The following COL26A1 variants were observed in gnomAD, a reference collection of about 807,000 sequenced individuals.
COL26A1 encodes the protein collagen type XXVI alpha 1 chain.
A neutral mutation model predicts 59.3 loss-of-function variants in COL26A1; 41 were observed. The ratio of observed to expected loss-of-function variants is 0.69; its 90% CI spans 0.54 to 0.90. The LOEUF is 0.90. Ranked by LOEUF, COL26A1 falls within the 40% of genes least tolerant of loss-of-function variation. COL26A1 has a pLI of 0.00. For synonymous variants in COL26A1, 266 were observed against 256.0 expected (o/e 1.04, Z -0.37); for missense variants, 612 against 602.3 (o/e 1.02, Z -0.17).
rs760259215 is a variant in COL26A1 at position 101,557,405 on chromosome 7, G to C, written c.1201G>C (p.Asp401His). 31 of 1,613,712 alleles carry C rather than the reference G, an allele frequency of 1.9e-5. No individual in the cohort carries two copies. The South Asian group carries it at 3.4e-4, about 18-fold the overall frequency. ...CTCCCCAGAGGGAGGTTCTGGCCAGGATGCTGCCCTGAGAGCCAACCTCAA... is the reference window on the plus strand; with the variant it reads ...CTCCCCAGAGGGAGGTTCTGGCCAGCATGCTGCCCTGAGAGCCAACCTCAA... The part of the protein sequence containing the change: ...LASPEGGSGQ[D>H]AALRANLKMK... The change falls in exon 13 of 13, where the codon GAT becomes CAT. Residue 401 changes from aspartate to histidine, a missense_variant. Physicochemically the swap from Asp to His is moderately conservative, Grantham distance 81. Coordinates refer to ENST00000313669, the MANE Select transcript of COL26A1 (RefSeq NM_001278563.3).
intron 3 of COL26A1, among the ~76,000 whole-genome samples, chr7:101,456,168 ATTT>A (rs149361281): frequency 0.012 from 1,459 of 124,588 alleles, 27 homozygotes; most frequent in African/African-American, 0.036. Flanking sequence ...ATATATATAT[ATTT>A]TTTTTTTAAT....
chr7:101,516,744 A>G (rs1374611308), intron 3 of COL26A1, among the ~76,000 whole-genome samples: 1 of 152,180 alleles, frequency 6.6e-6, no homozygotes, highest in East Asian at 1.9e-4. Flanking sequence ...AGGGTCACAC[A>G]GCGTGTCGGG....
At chr7:101,463,620 TCCCC>T (rs1277796624) in intron 3 of COL26A1, among the ~76,000 whole-genome samples, 1 of 77,742 alleles carries the variant, frequency 1.3e-5, no homozygotes, top group African/African-American at 6.8e-5. Context: ...CCTCCCTCCC[TCCCC>T]CTCTTCCTTC....
intron 3 of COL26A1, among the ~76,000 whole-genome samples, chr7:101,483,887 G>A (rs1434070466): frequency 2.0e-5 from 3 of 151,440 alleles, no homozygotes; most frequent in Non-Finnish European, 4.4e-5. Context: ...TGTTGGCCAG[G>A]CTGGGCTCAA....
At chr7:101,391,089 G>A (rs1791718215) in intron 1 of COL26A1, among the ~76,000 whole-genome samples, 1 of 152,222 alleles carries the variant, frequency 6.6e-6, no homozygotes, top group Non-Finnish European at 1.5e-5. Flanking sequence ...GAACAGAGCA[G>A]CGGAAGGAAA....
chr7:101,406,805 C>G (rs910893023), intron 1 of COL26A1, among the ~76,000 whole-genome samples: 1 of 152,082 alleles, frequency 6.6e-6, no homozygotes. Context: ...AAAAAAATAG[C>G]TGGGCATGGT....
intron 3 of COL26A1, among the ~76,000 whole-genome samples, chr7:101,516,554 A>G (rs1019435435): frequency 6.6e-6 from 1 of 152,164 alleles, no homozygotes; most frequent in Non-Finnish European, 1.5e-5. Context: ...TATAGGCATA[A>G]GCTAGTGCAC....
At chr7:101,384,573 G>A (rs537966182) in intron 1 of COL26A1, among the ~76,000 whole-genome samples, 2 of 152,108 alleles carry the variant, frequency 1.3e-5, no homozygotes, top group East Asian at 1.9e-4. Flanking sequence ...CTCCAGCCTC[G>A]GCCTCCCAGT....
intron 3 of COL26A1, among the ~76,000 whole-genome samples, chr7:101,477,888 C>T (rs1794083333): frequency 6.6e-6 from 1 of 152,156 alleles, no homozygotes; most frequent in Non-Finnish European, 1.5e-5. Flanking sequence ...AATCAGCTAC[C>T]ATTTGTCCAT....
rs199545397 is a variant in COL26A1, at chr7:101,463,498, TTTCCCTTCCC to T, written c.385+15722_385+15731del. Among the ~76,000 whole-genome samples, 926 of 128,246 alleles carry T rather than the reference TTTCCCTTCCC, an allele frequency of 7.2e-3. 16 individuals are homozygous for T. Among genetic ancestry groups the T allele is most frequent in the African/African-American group, 0.027 (886 of 33,250 alleles). The allele number at this position is 128,246 out of a possible 152,430, so 84.1% of individuals were successfully genotyped here. A position where few individuals can be genotyped will look rare whatever the true frequency, so the allele number is the denominator to read the frequency against. On this transcript the variant is annotated intron_variant, in intron 3 of 12. Transcript: ENST00000313669. ...TGCAAATATCCCTTCCCTCCCCTCC[TTTCCCTTCCC>T]TTCCCTTCCCCCCTCTTCCCCCTCT...
chr7:101,390,048 T>C (rs544969395), intron 1 of COL26A1, among the ~76,000 whole-genome samples: 1 of 152,156 alleles, frequency 6.6e-6, no homozygotes, highest in South Asian at 2.1e-4. Flanking sequence ...TTTTCTCCTG[T>C]TGGCTGGGCT....
At chr7:101,517,716 G>C (rs531802062) in intron 3 of COL26A1, among the ~76,000 whole-genome samples, 1 of 150,668 alleles carries the variant, frequency 6.6e-6, no homozygotes, top group Admixed American at 6.6e-5. Flanking sequence ...CCAGGGGATA[G>C]AAGATAGCTG....
At position 101,436,121 on chromosome 7, in the gene COL26A1, G is replaced by A. The variant is rs570059536; in HGVS notation, c.282-11563G>A. ...TGCATCCACTGCACCACCCCGCACC[G>A]CCCCCAGGTGGACTGTGACCCTGGG... On this transcript the variant is annotated intron_variant, in intron 2 of 12. Transcript: ENST00000313669. Among the ~76,000 whole-genome samples the A allele has an allele frequency of 5.4e-4, 82 of 152,080 alleles. 2 individuals carry two copies. Among genetic ancestry groups the A allele is most frequent in the African/African-American group, 1.8e-3 (75 of 41,502 alleles).
chr7:101,539,288 GTGTGTA>G (rs978677351), intron 4 of COL26A1, among the ~76,000 whole-genome samples: 27 of 130,648 alleles, frequency 2.1e-4, no homozygotes, highest in African/African-American at 9.9e-4. Context: ...CTGTGTGTGT[GTGTGTA>G]TGTGTGTGTG....
intron 4 of COL26A1, among the ~76,000 whole-genome samples, chr7:101,536,464 C>T (rs1050211191): frequency 1.3e-5 from 2 of 152,220 alleles, no homozygotes; most frequent in East Asian, 1.9e-4. Context: ...AGCCAGGACA[C>T]GGAGCTGGGT....
chr7:101,375,989 GAAAA>G (rs35433251), intron 1 of COL26A1, among the ~76,000 whole-genome samples: 7 of 122,760 alleles, frequency 5.7e-5, no homozygotes, highest in East Asian at 2.6e-4. Context: ...CCATCTCAAA[GAAAA>G]AAAAAAAAAA....
At chr7:101,489,643 TTC>T (rs1794346789) in intron 3 of COL26A1, among the ~76,000 whole-genome samples, 1 of 72,580 alleles carries the variant, frequency 1.4e-5, no homozygotes, top group African/African-American at 1.2e-4. Flanking sequence ...CTTTCTTTCT[TTC>T]TTTCTTTCTT....
At chr7:101,407,222 C>T (rs1792148172) in intron 1 of COL26A1, among the ~76,000 whole-genome samples, 1 of 152,294 alleles carries the variant, frequency 6.6e-6, no homozygotes, top group African/African-American at 2.4e-5. Flanking sequence ...TGACCTGACT[C>T]CATGCCCTCT....
At position 101,520,652 on chromosome 7, in the gene COL26A1, A is replaced by G. The variant is rs192849375; in HGVS notation, c.386-12430A>G. On this transcript the variant is annotated intron_variant, in intron 3 of 12. Coordinates refer to ENST00000313669, the MANE Select transcript of COL26A1 (RefSeq NM_001278563.3). ...GACACATACACACACACACACACACACACACACACACCCCCGTGTTCTTGC... is the reference window on the plus strand; with the variant it reads ...GACACATACACACACACACACACACGCACACACACACCCCCGTGTTCTTGC... Among the ~76,000 whole-genome samples the G allele has an allele frequency of 9.9e-5, 15 of 151,184 alleles. No homozygotes were observed. The East Asian group carries it at 2.7e-3, about 27-fold the overall frequency.
Sources: gnomAD v4.1 joint callset for allele counts (sites outside exome capture counted in the v4.1 genomes callset) on GRCh38, gnomAD v4.1.1 for gene constraint, MANE v1.5 for transcripts, NCBI Gene and HGNC (gene_info 2026-07-23, HGNC 2026-07-21) for gene names.